Variants in ANKS1A observed in about 807,000 individuals in gnomAD.
The protein encoded by ANKS1A is ankyrin repeat and sterile alpha motif domain containing 1A.
A neutral mutation model predicts 120.3 loss-of-function variants in ANKS1A; 55 were observed. The observed-to-expected ratio is 0.46, with a 90% CI of 0.37 to 0.57. The LOEUF (loss-of-function observed/expected upper bound fraction) is 0.57, where lower values mean the gene tolerates loss of function less well. Among genes scored for constraint, ANKS1A ranks in the 20% least tolerant of loss-of-function variants. The pLI is 0.00. For missense variants in ANKS1A, 1,123 were observed against 1,480.3 expected (o/e 0.76, Z 3.96); for synonymous variants, 590 against 604.7 (o/e 0.98, Z 0.36).
rs1052279309 is a variant in ANKS1A at position 35,083,339 on chromosome 6, G to A, written c.2908-78G>A. ...TGCTGCACTATGTAAGGATGGGAAGGAAGCTGGGACCTGTGGAAGCCCAGG... is the reference window on the plus strand; with the variant it reads ...TGCTGCACTATGTAAGGATGGGAAGAAAGCTGGGACCTGTGGAAGCCCAGG... On this transcript the variant is annotated intron_variant, in intron 19 of 23. Coordinates refer to ENST00000360359, the MANE Select transcript of ANKS1A (RefSeq NM_015245.3). The A allele has an allele frequency of 5.8e-5, 92 of 1,596,492 alleles. 1 individual carries two copies. Among genetic ancestry groups the A allele is most frequent in the Non-Finnish European group, 7.3e-5 (85 of 1,164,398 alleles).
chr6:35,004,855 G>A (rs1196719446), intron 10 of ANKS1A, among the ~76,000 whole-genome samples: 1 of 152,208 alleles, frequency 6.6e-6, no homozygotes, highest in Non-Finnish European at 1.5e-5. Flanking sequence ...ATATGATTCA[G>A]ACCATTTGTT....
intron 1 of ANKS1A, among the ~76,000 whole-genome samples, chr6:34,946,044 G>A (rs1030425019): frequency 2.0e-5 from 3 of 149,670 alleles, no homozygotes; most frequent in African/African-American, 4.9e-5. Context: ...GCAGTGGCAT[G>A]ATTTCGGCTC....
intron 3 of ANKS1A, among the ~76,000 whole-genome samples, chr6:34,971,465 G>A (rs965675895): frequency 4.6e-5 from 7 of 152,128 alleles, no homozygotes; most frequent in African/African-American, 1.7e-4. Flanking sequence ...GAGAGGAGAC[G>A]GGCATTCCTT....
chr6:34,916,497 C>T (rs1347851595), intron 1 of ANKS1A, among the ~76,000 whole-genome samples: 3 of 152,136 alleles, frequency 2.0e-5, no homozygotes, highest in African/African-American at 7.2e-5. Context: ...ACAAAATGCT[C>T]TCTATAAAGC....
chr6:34,891,841 C>T (rs541060429), intron 1 of ANKS1A, among the ~76,000 whole-genome samples: 9 of 152,152 alleles, frequency 5.9e-5, no homozygotes, highest in Non-Finnish European at 1.0e-4. Context: ...GTTAGCCAGG[C>T]TGTTCTCAAT....
chr6:34,917,493 G>C (rs1266793516), intron 1 of ANKS1A, among the ~76,000 whole-genome samples: 2 of 152,234 alleles, frequency 1.3e-5, no homozygotes, highest in Non-Finnish European at 2.9e-5. Context: ...TGTGTAGCTA[G>C]ATTCAACTTG....
intron 1 of ANKS1A, among the ~76,000 whole-genome samples, chr6:34,939,505 TGAA>T (rs1769422653): frequency 1.3e-5 from 2 of 152,180 alleles, no homozygotes; most frequent in African/African-American, 4.8e-5. Context: ...TACACTATGG[TGAA>T]GTAATTAGTT....
intron 3 of ANKS1A, among the ~76,000 whole-genome samples, chr6:34,976,053 A>T (rs1170530896): frequency 6.7e-6 from 1 of 148,962 alleles, no homozygotes; most frequent in Non-Finnish European, 1.5e-5. Flanking sequence ...CAGGAGAATC[A>T]CTTGAACCCG....
chr6:35,032,303 A>T (rs1313378555), intron 11 of ANKS1A, among the ~76,000 whole-genome samples: 1 of 152,100 alleles, frequency 6.6e-6, no homozygotes, highest in Admixed American at 6.5e-5. Flanking sequence ...GGCTCAGGAG[A>T]GGATGAGGTC....
chr6:34,978,014 A>G (rs554093097), intron 3 of ANKS1A, among the ~76,000 whole-genome samples: 1 of 151,934 alleles, frequency 6.6e-6, no homozygotes, highest in East Asian at 1.9e-4. Context: ...GCTGGAGTGC[A>G]GTGGTGCAAT....
At chr6:34,936,912 G>A (rs953360009) in intron 1 of ANKS1A, among the ~76,000 whole-genome samples, 4 of 152,018 alleles carry the variant, frequency 2.6e-5, no homozygotes, top group African/African-American at 4.8e-5. Flanking sequence ...CATTTGATCC[G>A]GTATCTACTA....
At chr6:35,055,033 T>C (rs1046864974) in intron 12 of ANKS1A, among the ~76,000 whole-genome samples, 6 of 152,362 alleles carry the variant, frequency 3.9e-5, no homozygotes, top group African/African-American at 1.4e-4. Context: ...AGGATTGACC[T>C]GTCAGTCTCA....
chr6:34,920,200 G>GT (rs199685702), intron 1 of ANKS1A, among the ~76,000 whole-genome samples: 12 of 151,822 alleles, frequency 7.9e-5, no homozygotes, highest in East Asian at 1.9e-4. Flanking sequence ...CATTAGAGTA[G>GT]TTTTTTTTGT....
chr6:35,003,319 C>G (rs1309792671), intron 10 of ANKS1A, among the ~76,000 whole-genome samples: 1 of 152,060 alleles, frequency 6.6e-6, no homozygotes, highest in Non-Finnish European at 1.5e-5. Context: ...ACCGGTCAAG[C>G]CTTGACTATT....
chr6:35,038,594 G>A (rs1375758382), intron 11 of ANKS1A, among the ~76,000 whole-genome samples: 2 of 152,066 alleles, frequency 1.3e-5, no homozygotes, highest in African/African-American at 2.4e-5. Flanking sequence ...TGATCCTTCT[G>A]CCTCAGCCTC....
intron 3 of ANKS1A, among the ~76,000 whole-genome samples, chr6:34,976,136 C>A (rs1347611251): frequency 7.4e-4 from 65 of 87,542 alleles, no homozygotes; most frequent in South Asian, 9.1e-4. Context: ...GACTCCATCT[C>A]AAAAAAAAAA....
intron 3 of ANKS1A, chr6:34,972,643 G>GGT (rs1771242072): frequency 4.1e-6 from 4 of 985,156 alleles, no homozygotes; most frequent in Non-Finnish European, 4.8e-6. Flanking sequence ...TCAATGCCAA[G>GGT]GTGTGTACTT....
chr6:35,084,099 A>G lies in ANKS1A; in HGVS notation c.2995-22A>G. 1 of 1,613,502 alleles carries G rather than the reference A, an allele frequency of 6.2e-7. No individual in the cohort carries two copies. Among genetic ancestry groups the G allele is most frequent in the Non-Finnish European group, 8.5e-7 (1 of 1,179,618 alleles). ...AGGCATGCCTGAGCCTGAGAATTCCAGAACACGGCTTTCCCCAGCAGAACG... is the reference window on the plus strand; with the variant it reads ...AGGCATGCCTGAGCCTGAGAATTCCGGAACACGGCTTTCCCCAGCAGAACG... On this transcript the variant is annotated intron_variant, in intron 20 of 23. Transcript: ENST00000360359. This position sits in a 1 kb window ranked among gnomAD's most constrained non-coding sequence, Gnocchi z 4.8.
intron 1 of ANKS1A, among the ~76,000 whole-genome samples, chr6:34,940,505 G>A (rs74826643): frequency 7.2e-5 from 11 of 152,076 alleles, no homozygotes; most frequent in Admixed American, 2.0e-4. Flanking sequence ...TCCATATACT[G>A]GAGAAATATT....
Sources: allele counts gnomAD v4.1 joint callset (sites outside exome capture counted in the v4.1 genomes callset), GRCh38; gene constraint gnomAD v4.1.1; non-coding constraint Gnocchi (gnomAD v3.1); transcripts MANE v1.5; gene names NCBI Gene and HGNC (gene_info 2026-07-23, HGNC 2026-07-21).